NEDD9: variants seen among roughly 807,000 people sequenced by gnomAD.
NEDD9 encodes enhancer of filamentation 1.
In NEDD9, 26 loss-of-function variants were observed where a neutral mutation model predicts 76.6. The ratio of observed to expected loss-of-function variants is 0.34; its 90% CI spans 0.25 to 0.47. NEDD9 has a LOEUF of 0.47. NEDD9 is among the 20% of genes least tolerant of loss of function. The pLI is 1.00. For synonymous variants in NEDD9, 392 were observed against 414.2 expected, an observed-to-expected ratio of 0.95 and a Z score of 0.65; for missense variants, 937 against 1,058.5, an observed-to-expected ratio of 0.89 and a Z score of 1.59.
chr6:11,322,753 C>T (rs1388589579), intron 2 of NEDD9, among the ~76,000 whole-genome samples: 1 of 152,170 alleles, frequency 6.6e-6, no homozygotes, highest in East Asian at 1.9e-4. Context: ...TTTCAAATCC[C>T]GATTCTTGGG....
intron 3 of NEDD9, among the ~76,000 whole-genome samples, chr6:11,266,027 C>T (rs1425577453): frequency 2.1e-5 from 3 of 139,634 alleles, no homozygotes; most frequent in African/African-American, 7.9e-5. Flanking sequence ...ACAATGGAGA[C>T]TTGGAAGGGA....
At chr6:11,247,690 C>A (rs1400398997) in intron 3 of NEDD9, among the ~76,000 whole-genome samples, 1 of 152,152 alleles carries the variant, frequency 6.6e-6, no homozygotes, top group Admixed American at 6.5e-5. Context: ...TTTTTATTTT[C>A]AGCCTGATTT....
chr6:11,189,719 A>T (rs1346465049), intron 5 of NEDD9, among the ~76,000 whole-genome samples: 1 of 152,160 alleles, frequency 6.6e-6, no homozygotes, highest in Non-Finnish European at 1.5e-5. Flanking sequence ...TTAAGGCCCA[A>T]GGAGGTTGAA....
intron 3 of NEDD9, among the ~76,000 whole-genome samples, chr6:11,295,921 C>A: frequency 6.6e-6 from 1 of 152,066 alleles, no homozygotes; most frequent in East Asian, 1.9e-4. Context: ...GAATTGTGAC[C>A]CCCACCCCAA....
intron 3 of NEDD9, among the ~76,000 whole-genome samples, chr6:11,255,846 T>A (rs976556931): frequency 2.6e-5 from 4 of 151,902 alleles, no homozygotes; most frequent in Non-Finnish European, 4.4e-5. Context: ...AGGGGAGAGA[T>A]TGGAAGGGAA....
chr6:11,203,783 C>T (rs1269030300), intron 2 of NEDD9, among the ~76,000 whole-genome samples: 1 of 152,116 alleles, frequency 6.6e-6, no homozygotes, highest in Non-Finnish European at 1.5e-5. Flanking sequence ...CTCACTGGCT[C>T]AGCACACTCC....
At chr6:11,377,096 G>A (rs992775537) in intron 1 of NEDD9, among the ~76,000 whole-genome samples, 1 of 152,252 alleles carries the variant, frequency 6.6e-6, no homozygotes. Context: ...TCCAGAGGAT[G>A]TATGGGAAAG....
At chr6:11,228,130 A>G (rs1224802248) in intron 1 of NEDD9, among the ~76,000 whole-genome samples, 3 of 152,084 alleles carry the variant, frequency 2.0e-5, no homozygotes, top group Non-Finnish European at 4.4e-5. Context: ...GGTTGGAAGT[A>G]AGATCTACGG....
chr6:11,254,478 T>G (rs1339174726), intron 3 of NEDD9, among the ~76,000 whole-genome samples: 1 of 152,190 alleles, frequency 6.6e-6, no homozygotes, highest in East Asian at 1.9e-4. Flanking sequence ...ATATTTCTAT[T>G]TTTAAACTTT....
intron 3 of NEDD9, among the ~76,000 whole-genome samples, chr6:11,272,698 T>C (rs1168143493): frequency 6.6e-6 from 1 of 152,166 alleles, no homozygotes; most frequent in Non-Finnish European, 1.5e-5. Flanking sequence ...GCACAGACCC[T>C]GGAGGTGTGG....
At chr6:11,263,228 G>A (rs1312920316) in intron 3 of NEDD9, among the ~76,000 whole-genome samples, 1 of 152,188 alleles carries the variant, frequency 6.6e-6, no homozygotes, top group Non-Finnish European at 1.5e-5. Context: ...TTTTTTGTGT[G>A]TGTAAGGGGG....
chr6:11,263,511 T>C (rs1164873725), intron 3 of NEDD9, among the ~76,000 whole-genome samples: 1 of 152,234 alleles, frequency 6.6e-6, no homozygotes, highest in Non-Finnish European at 1.5e-5. Flanking sequence ...GTTTAATCTG[T>C]CTGGCGCATG....
At chr6:11,185,837 A>C (rs1209448059) in intron 6 of NEDD9, among the ~76,000 whole-genome samples, 166 bp from the exon 7 acceptor site, 1 of 152,184 alleles carries the variant, frequency 6.6e-6, no homozygotes, top group African/African-American at 2.4e-5. Context: ...TAAATTGTAA[A>C]ATGTAGACGT....
At chr6:11,323,762 G>A (rs191491689) in intron 2 of NEDD9, among the ~76,000 whole-genome samples, 1 of 152,220 alleles carries the variant, frequency 6.6e-6, no homozygotes, top group African/African-American at 2.4e-5. Flanking sequence ...TTCCGCTGTG[G>A]TGTTGCAAAG....
intron 6 of NEDD9, among the ~76,000 whole-genome samples, chr6:11,187,334 A>G (rs1758003773): frequency 6.6e-6 from 1 of 152,160 alleles, no homozygotes; most frequent in Non-Finnish European, 1.5e-5. Flanking sequence ...CTTTATTTGT[A>G]TGCCCTTGTT....
chr6:11,320,735 C>T (rs900276476), intron 2 of NEDD9, among the ~76,000 whole-genome samples: 2 of 152,126 alleles, frequency 1.3e-5, no homozygotes, highest in Non-Finnish European at 2.9e-5. Flanking sequence ...AAGGTCTTTA[C>T]GTTTGGAAAG....
chr6:11,248,252 G>C (rs1437884540), intron 3 of NEDD9, among the ~76,000 whole-genome samples: 1 of 151,910 alleles, frequency 6.6e-6, no homozygotes, highest in African/African-American at 2.4e-5. Flanking sequence ...AGAAAGGAAA[G>C]CCTTTACCAT....
intron 1 of NEDD9, among the ~76,000 whole-genome samples, chr6:11,379,430 A>T (rs545089132): frequency 6.6e-6 from 1 of 152,000 alleles, no homozygotes; most frequent in Non-Finnish European, 1.5e-5. Flanking sequence ...TCTACTAAAA[A>T]CACAAAAATT....
chr6:11,195,996 A>G (rs998879109), intron 2 of NEDD9, among the ~76,000 whole-genome samples: 1 of 152,040 alleles, frequency 6.6e-6, no homozygotes, highest in African/African-American at 2.4e-5. Context: ...CTCCGTCTCA[A>G]AAAACAAACA....
Sources: allele counts gnomAD v4.1 joint callset (sites outside exome capture counted in the v4.1 genomes callset), GRCh38; gene constraint gnomAD v4.1.1; transcripts MANE v1.5; gene names NCBI Gene and HGNC (gene_info 2026-07-23, HGNC 2026-07-21).